FKTN: variants seen among roughly 807,000 people sequenced by gnomAD.
The protein encoded by FKTN is ribitol-5-phosphate transferase FKTN.
FKTN carries 47 observed loss-of-function variants against 58.6 expected under a neutral mutation model. The observed-to-expected ratio is 0.80, with a 90% CI of 0.63 to 1.02. The LOEUF is 1.02. FKTN is among the 50% of genes least tolerant of loss of function. The pLI, the probability that FKTN is intolerant of heterozygous loss-of-function variation, is 0.00. For synonymous variants in FKTN, 178 were observed against 191.9 expected (o/e 0.93, Z 0.60); for missense variants, 516 against 537.3 (o/e 0.96, Z 0.39).
intron 10 of FKTN, among the ~76,000 whole-genome samples, chr9:105,632,443 A>T (rs985769461): frequency 2.4e-4 from 36 of 149,098 alleles, no homozygotes; most frequent in East Asian, 7.8e-4. Flanking sequence ...TATATATATA[A>T]AAATAAAAAA....
chr9:105,597,508 G>A (rs867174853), intron 4 of FKTN, among the ~76,000 whole-genome samples: 5 of 151,910 alleles, frequency 3.3e-5, no homozygotes, highest in South Asian at 4.2e-4. Context: ...GTGAATTTAG[G>A]GTATTCTGAG....
chr9:105,579,586 G>A (rs1410301373), intron 3 of FKTN, among the ~76,000 whole-genome samples: 2 of 150,240 alleles, frequency 1.3e-5, no homozygotes, highest in African/African-American at 2.5e-5. Flanking sequence ...TTACTTCCAA[G>A]TATGTGGTCA....
At chr9:105,583,618 TATATATTTCAA>T (rs1843406968) in intron 3 of FKTN, among the ~76,000 whole-genome samples, 1 of 152,198 alleles carries the variant, frequency 6.6e-6, no homozygotes, top group African/African-American at 2.4e-5. Context: ...ACCTTCATCA[TATATATTTCAA>T]ATATTTTTCC....
At chr9:105,629,781 T>A (rs1432027433) in intron 10 of FKTN, among the ~76,000 whole-genome samples, 4 of 152,118 alleles carry the variant, frequency 2.6e-5, no homozygotes, top group African/African-American at 9.7e-5. Flanking sequence ...TAGCAAAGAC[T>A]TGGAACCAAC....
Position 105,582,122 on chromosome 9 carries a change from G to A in FKTN, c.105+6985G>A, listed in dbSNP as rs531183728. Among the ~76,000 whole-genome samples the A allele has an allele frequency of 2.0e-4, 30 of 152,256 alleles. No individual in the cohort carries two copies. The East Asian group carries it at 4.1e-3, about 21-fold the overall frequency. The stretch of plus-strand genomic sequence containing the variant: ...TCAGATGGAAATGCAGAAATCACCC[G>A]TCTTCTGCGTCGCTCATGCTGGGAG... On this transcript the variant is annotated intron_variant, in intron 3 of 10. Transcript: ENST00000357998.
At chr9:105,606,156 C>T (rs558953643) in intron 6 of FKTN, among the ~76,000 whole-genome samples, 5 of 152,028 alleles carry the variant, frequency 3.3e-5, no homozygotes, top group African/African-American at 9.6e-5. Context: ...CTAAGCAAGA[C>T]GTACCAAAAA....
At chr9:105,610,247 C>G (rs1829664819) in intron 7 of FKTN, among the ~76,000 whole-genome samples, 1 of 152,032 alleles carries the variant, frequency 6.6e-6, no homozygotes, top group African/African-American at 2.4e-5. Context: ...AAGCCAAGAC[C>G]TGGATGCCAG....
intron 3 of FKTN, among the ~76,000 whole-genome samples, chr9:105,578,178 T>C (rs1189452221): frequency 6.7e-6 from 1 of 149,980 alleles, no homozygotes; most frequent in African/African-American, 2.5e-5. Context: ...TCCTGCCTAA[T>C]TGCCCTGGCC....
rs565006865 is a variant in FKTN, at chr9:105,573,339, G to A, written c.-180-316G>A. On this transcript the variant is annotated intron_variant, in intron 1 of 10. Transcript: ENST00000357998. ...CTTCTGCAAAGAAAAGACATCTTTA[G>A]GTCAGGCTCAGTAGTAGCTCACACC... Among the ~76,000 whole-genome samples, 5 of 152,164 alleles carry A rather than the reference G, an allele frequency of 3.3e-5. No homozygotes were observed. The South Asian group carries it at 1.0e-3, about 32-fold the overall frequency.
At chr9:105,568,618 T>C (rs1840145777) in intron 1 of FKTN, among the ~76,000 whole-genome samples, 1 of 152,134 alleles carries the variant, frequency 6.6e-6, no homozygotes, top group Non-Finnish European at 1.5e-5. Flanking sequence ...AGAATGGCGA[T>C]CATTAAAAAG....
At chr9:105,597,220 A>T (rs1826974098) in intron 4 of FKTN, among the ~76,000 whole-genome samples, 2 of 152,172 alleles carry the variant, frequency 1.3e-5, no homozygotes, top group Admixed American at 1.3e-4. Context: ...CACAACATTT[A>T]TTCTGTTAGC....
chr9:105,615,009 G>A (rs908369763), intron 7 of FKTN, among the ~76,000 whole-genome samples: 3 of 149,470 alleles, frequency 2.0e-5, no homozygotes, highest in African/African-American at 7.4e-5. Flanking sequence ...TCAACCTCTC[G>A]AGTAGCTGGA....
Position 105,614,701 on chromosome 9 carries a change from T to G in FKTN, c.781-577T>G, listed in dbSNP as rs1005460218. 2.0e-5 allele frequency among the ~76,000 whole-genome samples: 3 copies of G among 152,308 alleles called. No homozygotes were observed. In the East Asian group the frequency reaches 5.8e-4, roughly 29 times the overall value. On this transcript the variant is annotated intron_variant, in intron 7 of 10. Coordinates refer to ENST00000357998, the MANE Select transcript of FKTN (RefSeq NM_001079802.2). ...TAAATTGTGATGTAAAGGAGGGAGC[T>G]GATAAAAGGATGTCTCATCCTTTGG...
At chr9:105,568,771 C>T (rs545877191) in intron 1 of FKTN, among the ~76,000 whole-genome samples, 1 of 152,222 alleles carries the variant, frequency 6.6e-6, no homozygotes, top group African/African-American at 2.4e-5. Flanking sequence ...CCATTTGACC[C>T]AGTGATCCCA....
intron 6 of FKTN, among the ~76,000 whole-genome samples, chr9:105,605,435 A>G (rs1184166826): frequency 6.6e-6 from 1 of 152,218 alleles, no homozygotes; most frequent in Non-Finnish European, 1.5e-5. Flanking sequence ...CAGCATTTCA[A>G]AATCAGTAAG....
At chr9:105,568,182 A>G (rs900182164) in intron 1 of FKTN, among the ~76,000 whole-genome samples, 8 of 152,214 alleles carry the variant, frequency 5.3e-5, no homozygotes, top group Non-Finnish European at 1.2e-4. Flanking sequence ...CTAAAACCAT[A>G]AAAACCCTAG....
rs773322779 is a variant in FKTN at position 105,604,375 on chromosome 9, A to G, written c.530A>G (p.His177Arg). 2 of 1,614,154 alleles carry G rather than the reference A, an allele frequency of 1.2e-6. No homozygotes were observed. Among genetic ancestry groups the G allele is most frequent in the Non-Finnish European group, 1.7e-6 (2 of 1,179,980 alleles). The change falls in exon 6 of 11, where the codon CAT becomes CGT. Residue 177 changes from histidine to arginine, a missense_variant. Physicochemically the swap from His to Arg is conservative, Grantham distance 29. Coordinates refer to ENST00000357998, the MANE Select transcript of FKTN (RefSeq NM_001079802.2). Reference sequence around the variant, plus strand: ...CATGCGATCCACTTGGTAGTCTTTCATGAGAGGAGTGGCAACTACCTCTGG... The same window carrying G: ...CATGCGATCCACTTGGTAGTCTTTCGTGAGAGGAGTGGCAACTACCTCTGG... ...ATHAIHLVVFHERSGNYLWHG... is the reference protein window; with the variant it reads ...ATHAIHLVVFRERSGNYLWHG...
At chr9:105,565,740 C>A (rs781378689) in intron 1 of FKTN, among the ~76,000 whole-genome samples, 17 of 152,106 alleles carry the variant, frequency 1.1e-4, no homozygotes, top group Admixed American at 1.1e-3. Flanking sequence ...GACAGATCAA[C>A]GAGACAGAAA....
Position 105,584,778 on chromosome 9 carries a change from G to A in FKTN, c.105+9641G>A, listed in dbSNP as rs563901399. ...CAAGGCTGCAGTGAGCTGTCATTGCGCCACTGCACTCCAGCCTGGGTGACG... is the reference window on the plus strand; with the variant it reads ...CAAGGCTGCAGTGAGCTGTCATTGCACCACTGCACTCCAGCCTGGGTGACG... On this transcript the variant is annotated intron_variant, in intron 3 of 10. Transcript: ENST00000357998. Among the ~76,000 whole-genome samples the A allele has an allele frequency of 2.5e-4, 38 of 152,144 alleles. 2 individuals are homozygous for A. In the South Asian group the frequency reaches 6.2e-3, roughly 25 times the overall value.
Sources: gnomAD v4.1 joint callset for allele counts (sites outside exome capture counted in the v4.1 genomes callset) on GRCh38, gnomAD v4.1.1 for gene constraint, MANE v1.5 for transcripts, NCBI Gene and HGNC (gene_info 2026-07-23, HGNC 2026-07-21) for gene names.